CLPTM1: variants seen among roughly 807,000 people sequenced by gnomAD.
CLPTM1 encodes the protein CLPTM1 regulator of GABA type A receptor forward trafficking.
CLPTM1 carries 21 observed loss-of-function variants against 77.3 expected under a neutral mutation model. The ratio of observed to expected loss-of-function variants is 0.27; its 90% confidence interval spans 0.19 to 0.39. The LOEUF is 0.39. CLPTM1 is among the 10% of genes least tolerant of loss of function. The pLI is 1.00. For synonymous variants in CLPTM1, 373 were observed against 381.0 expected, an observed-to-expected ratio of 0.98 and a Z score of 0.24; for missense variants, 642 against 921.2, an observed-to-expected ratio of 0.70 and a Z score of 3.92.
At position 44,990,880 on chromosome 19, in the gene CLPTM1, T is replaced by C; in HGVS notation, c.1354T>C (p.Phe452Leu). 1 of 1,613,920 alleles carries C rather than the reference T, an allele frequency of 6.2e-7. No individual in the cohort carries two copies. The highest frequency in any genetic ancestry group is 8.5e-7 in the Non-Finnish European group (1 of 1,179,890). ...LDREHRVAGI[F>L]PRLSFKDKST... ...CCGAGAGCACAGGGTGGCAGGAATC[T>C]TCCCCCGCCTATCCTTCAAGGACAA... The change falls in exon 11 of 14, where the codon TTC becomes CTC. Residue 452 changes from phenylalanine (F) to leucine (L), a missense_variant. Transcript: ENST00000337392. The surrounding 1 kb of genome is among the most constrained non-coding windows in gnomAD (Gnocchi z 4.8).
intron 2 of CLPTM1, among the ~76,000 whole-genome samples, chr19:44,967,685 C>T (rs1970656100): frequency 6.6e-6 from 1 of 152,022 alleles, no homozygotes; most frequent in Non-Finnish European, 1.5e-5. Flanking sequence ...ACTCATGATC[C>T]CTGATGTAGT....
chr19:44,958,441 G>A (rs1163095862), intron 1 of CLPTM1, among the ~76,000 whole-genome samples: 5 of 150,202 alleles, frequency 3.3e-5, no homozygotes, highest in Admixed American at 6.7e-5. Flanking sequence ...CCACAATCTC[G>A]GCTCACTGCA....
chr19:44,966,864 C>T (rs945997061), intron 2 of CLPTM1, among the ~76,000 whole-genome samples: 1 of 151,226 alleles, frequency 6.6e-6, no homozygotes, highest in East Asian at 1.9e-4. Flanking sequence ...TTTTGGGAGA[C>T]AGAATCTCGC....
chr19:44,972,585 C>T (rs1568384530), intron 2 of CLPTM1, among the ~76,000 whole-genome samples: 2 of 152,146 alleles, frequency 1.3e-5, no homozygotes, highest in African/African-American at 2.4e-5. Context: ...TAACCATCCC[C>T]GGTTCTGTGC....
intron 3 of CLPTM1, among the ~76,000 whole-genome samples, 191 bp downstream of exon 3, chr19:44,973,401 C>T (rs1288600765): frequency 6.6e-6 from 1 of 152,196 alleles, no homozygotes; most frequent in African/African-American, 2.4e-5. Flanking sequence ...GGTCCATCCC[C>T]AGCACATAAA....
At chr19:44,954,803 C>A (rs1234103756), upstream of CLPTM1, 2 of 1,265,304 alleles carry the variant, frequency 1.6e-6, no homozygotes, top group Non-Finnish European at 2.1e-6. Context: ...GCCGTAAGAC[C>A]CCTGGAATTG....
intron 2 of CLPTM1, among the ~76,000 whole-genome samples, chr19:44,970,579 A>T (rs1970702077): frequency 6.9e-6 from 1 of 144,384 alleles, no homozygotes. Flanking sequence ...TAATTTTTGT[A>T]TTTTTTGTAG....
chr19:44,969,495 G>C (rs1970685098), intron 2 of CLPTM1, among the ~76,000 whole-genome samples: 1 of 152,098 alleles, frequency 6.6e-6, no homozygotes, highest in East Asian at 1.9e-4. Flanking sequence ...ATACCAGTCT[G>C]GATGGAGGCA....
chr19:44,984,338 G>C (rs979485194), intron 5 of CLPTM1: 2 of 152,356 alleles, frequency 1.3e-5, no homozygotes, highest in African/African-American at 4.8e-5. Context: ...CAGCAGGCAG[G>C]TAAACCACTG....
Position 44,988,520 on chromosome 19 carries a change from C to T in CLPTM1, c.1132+347C>T, listed in dbSNP as rs973850710. On this transcript the variant is annotated intron_variant, in intron 9 of 13. Transcript: ENST00000337392. ...CGGCAGGCTGCCTGCTGCGGGAGGCCGCTTAGGGCTGAGTGGACGGGGCCT... is the reference window on the plus strand; with the variant it reads ...CGGCAGGCTGCCTGCTGCGGGAGGCTGCTTAGGGCTGAGTGGACGGGGCCT... Among the ~76,000 whole-genome samples the T allele has an allele frequency of 6.8e-4, 103 of 152,292 alleles. 1 individual carries two copies. The highest frequency in any genetic ancestry group is 2.0e-3 in the African/African-American group (85 of 41,578).
intron 5 of CLPTM1, among the ~76,000 whole-genome samples, chr19:44,981,223 C>G (rs188260326): frequency 5.1e-4 from 77 of 152,188 alleles, no homozygotes; most frequent in African/African-American, 1.7e-3. Context: ...TGGCTCGCCA[C>G]AGCCTCCACC....
chr19:44,955,264 G>A, upstream of CLPTM1: 1 of 1,473,672 alleles, frequency 6.8e-7, no homozygotes, highest in Non-Finnish European at 9.0e-7. Flanking sequence ...TTCCTGAGAG[G>A]CGTGGCTGCG....
At chr19:44,970,482 C>T (rs187312308) in intron 2 of CLPTM1, among the ~76,000 whole-genome samples, 1 of 141,764 alleles carries the variant, frequency 7.1e-6, no homozygotes, top group East Asian at 2.0e-4. Context: ...TCACTGCAGC[C>T]TCGACCTCCT....
intron 5 of CLPTM1, among the ~76,000 whole-genome samples, chr19:44,982,504 T>TGGA (rs1970914594): frequency 1.3e-5 from 2 of 152,186 alleles, no homozygotes; most frequent in Admixed American, 6.5e-5. Flanking sequence ...GGGGGCTTTT[T>TGGA]CCTCCCCACA....
At chr19:44,983,462 T>TA (rs1254536972) in intron 5 of CLPTM1, among the ~76,000 whole-genome samples, 15 of 149,142 alleles carry the variant, frequency 1.0e-4, no homozygotes, top group Admixed American at 8.1e-4. Context: ...CTACTAAAAA[T>TA]ACAAAATTAG....
intron 6 of CLPTM1, among the ~76,000 whole-genome samples, 158 bp from the exon 7 acceptor site, chr19:44,986,297 G>T (rs905350460): frequency 1.3e-5 from 2 of 151,456 alleles, no homozygotes; most frequent in Admixed American, 1.3e-4. Context: ...CCCAGAATTC[G>T]AGACCAGCTT....
intron 5 of CLPTM1, among the ~76,000 whole-genome samples, chr19:44,981,244 A>G (rs1186315572): frequency 6.6e-6 from 1 of 151,846 alleles, no homozygotes; most frequent in Non-Finnish European, 1.5e-5. Context: ...TCCCAGGTTC[A>G]AGCAATTCTG....
intron 1 of CLPTM1, among the ~76,000 whole-genome samples, chr19:44,960,984 G>A (rs998410909): frequency 3.9e-5 from 6 of 152,178 alleles, no homozygotes; most frequent in Admixed American, 1.3e-4. Flanking sequence ...TTCCAAACCT[G>A]GCATTCAGAG....
upstream of CLPTM1, chr19:44,954,629 T>C: frequency 3.7e-6 from 4 of 1,080,718 alleles, no homozygotes; most frequent in South Asian, 2.6e-5. Flanking sequence ...GGTTTAGAGC[T>C]GTACGAAGAC....
Sources: gnomAD v4.1 joint callset for allele counts (sites outside exome capture counted in the v4.1 genomes callset) on GRCh38, gnomAD v4.1.1 for gene constraint, Gnocchi (gnomAD v3.1) non-coding constraint, MANE v1.5 for transcripts, NCBI Gene and HGNC (gene_info 2026-07-23, HGNC 2026-07-21) for gene names.